Variants in PLEKHA7 observed in about 807,000 individuals in gnomAD.
PLEKHA7 encodes pleckstrin homology domain containing A7.
In PLEKHA7, 104 loss-of-function variants were observed where a neutral mutation model predicts 170.0. That is an observed-to-expected ratio of 0.61 (90% CI 0.52 to 0.72). The LOEUF (loss-of-function observed/expected upper bound fraction) is 0.72. PLEKHA7 is among the 30% of genes least tolerant of loss of function. The pLI is 0.00. For synonymous variants in PLEKHA7, 648 were observed against 660.8 expected, an observed-to-expected ratio of 0.98 and a Z score of 0.30; for missense variants, 1,615 against 1,671.7, an observed-to-expected ratio of 0.97 and a Z score of 0.59.
Position 16,816,242 on chromosome 11 carries a change from C to T in PLEKHA7, c.1889G>A (p.Arg630His), listed in dbSNP as rs369945365. ...AVKNSSHVDR[R>H]SMPSMGYMTH... ...CATGTAACCCATGGAGGGCATGGAG[C>T]GTCGGTCCACATGAGATGAGTTCTG... Residue 630 changes from arginine (R) to histidine (H), a missense_variant, in exon 12 of 27, where the codon CGC becomes CAC. Physicochemically the swap from Arg to His is conservative, Grantham distance 29 (BLOSUM62 0). Coordinates refer to ENST00000531066, the MANE Select transcript of PLEKHA7 (RefSeq NM_001329630.2). 1.2e-5 allele frequency: 19 copies of T among 1,613,490 alleles called. No individual in the cohort carries two copies. Among genetic ancestry groups the T allele is most frequent in the Admixed American group, 1.7e-5 (1 of 60,002 alleles).
intron 3 of PLEKHA7, chr11:16,881,626 G>C (rs759765292): frequency 5.3e-5 from 8 of 152,214 alleles, no homozygotes; most frequent in Non-Finnish European, 1.0e-4. Flanking sequence ...TCCGTTCTTT[G>C]AGACCGTGGG....
intron 3 of PLEKHA7, among the ~76,000 whole-genome samples, chr11:16,922,526 T>C (rs1859172100): frequency 6.6e-6 from 1 of 152,178 alleles, no homozygotes; most frequent in Admixed American, 6.5e-5. Context: ...TCACAGGGTA[T>C]AGGCCTGGAA....
chr11:16,868,904 G>A (rs1232902161), intron 4 of PLEKHA7, among the ~76,000 whole-genome samples: 1 of 152,222 alleles, frequency 6.6e-6, no homozygotes, highest in East Asian at 1.9e-4. Context: ...AAGGAATTGT[G>A]TGTGACAAGT....
chr11:16,821,919 T>C (rs983103839), intron 10 of PLEKHA7, among the ~76,000 whole-genome samples: 2 of 152,178 alleles, frequency 1.3e-5, no homozygotes, highest in African/African-American at 2.4e-5. Flanking sequence ...CACTGTGTGC[T>C]CAGTGACCTC....
intron 3 of PLEKHA7, among the ~76,000 whole-genome samples, chr11:16,954,594 G>C (rs892357794): frequency 1.3e-5 from 2 of 151,292 alleles, no homozygotes; most frequent in Non-Finnish European, 2.9e-5. Context: ...TTATTTGAAA[G>C]GTCACAGAAA....
Position 16,827,140 on chromosome 11 carries a change from G to A in PLEKHA7, c.873-550C>T, listed in dbSNP as rs138158351. ...TTAAATGGAAGGCTCCTGAGCTCAGGATCCCTCCCACTGGTGTCTAACACA... is the reference window on the plus strand; with the variant it reads ...TTAAATGGAAGGCTCCTGAGCTCAGAATCCCTCCCACTGGTGTCTAACACA... On this transcript the variant is annotated intron_variant, in intron 9 of 26. Coordinates refer to ENST00000531066, the MANE Select transcript of PLEKHA7 (RefSeq NM_001329630.2). Among the ~76,000 whole-genome samples the A allele has an allele frequency of 6.6e-5, 10 of 152,252 alleles. No homozygotes were observed. In the East Asian group the frequency reaches 1.7e-3, roughly 26 times the overall value.
chr11:16,906,611 G>T (rs571661532), intron 3 of PLEKHA7, among the ~76,000 whole-genome samples: 2 of 138,766 alleles, frequency 1.4e-5, no homozygotes, highest in Non-Finnish European at 3.0e-5. Context: ...ACGGAGTCGC[G>T]TTCACTCACT....
intron 3 of PLEKHA7, among the ~76,000 whole-genome samples, chr11:16,957,051 GA>G (rs1267433228): frequency 1.3e-5 from 2 of 152,180 alleles, no homozygotes; most frequent in East Asian, 3.8e-4. Flanking sequence ...TGATGGATGA[GA>G]TAAGACTCAG....
rs867069164 is a variant in PLEKHA7, at chr11:16,823,369, T to C, written c.1343+2751A>G. ...TCACCCCAGATCAACTACATCAAAA[T>C]CTCTGGCGTTGGGCCTCAAATGATC... On this transcript the variant is annotated intron_variant, in intron 10 of 26. Coordinates refer to ENST00000531066, the MANE Select transcript of PLEKHA7 (RefSeq NM_001329630.2). Among the ~76,000 whole-genome samples, 7 of 152,060 alleles carry C rather than the reference T, an allele frequency of 4.6e-5. No homozygotes were observed. In the South Asian group the frequency reaches 1.2e-3, roughly 27 times the overall value.
chr11:16,780,508 G>T (rs1848941638), intron 26 of PLEKHA7, among the ~76,000 whole-genome samples: 1 of 152,234 alleles, frequency 6.6e-6, no homozygotes, highest in African/African-American at 2.4e-5. Flanking sequence ...TTCCTCATCT[G>T]TAGAACTGGA....
intron 3 of PLEKHA7, among the ~76,000 whole-genome samples, chr11:16,934,170 T>G (rs1206692774): frequency 6.6e-6 from 1 of 152,184 alleles, no homozygotes; most frequent in African/African-American, 2.4e-5. Context: ...ACTCCCTTTT[T>G]TGGTCCTCCT....
chr11:16,880,424 C>T (rs1480203561), intron 3 of PLEKHA7, among the ~76,000 whole-genome samples: 1 of 152,242 alleles, frequency 6.6e-6, no homozygotes, highest in Non-Finnish European at 1.5e-5. Context: ...AACATCCCAG[C>T]CCACAGTAGA....
Position 16,821,523 on chromosome 11 carries a change from A to G in PLEKHA7, c.1344-4201T>C, listed in dbSNP as rs143418580. Among the ~76,000 whole-genome samples the G allele has an allele frequency of 6.8e-3, 1,031 of 152,352 alleles. 7 individuals are homozygous for G. Among genetic ancestry groups the G allele is most frequent in the Non-Finnish European group, 0.011 (754 of 68,038 alleles). The stretch of plus-strand genomic sequence containing the variant: ...TCCCTGTTGGTTTAAAGCCAAAAAT[A>G]CAGGATCATATTGCAGTTCAAATAA... On this transcript the variant is annotated intron_variant, in intron 10 of 26. Coordinates refer to ENST00000531066, the MANE Select transcript of PLEKHA7 (RefSeq NM_001329630.2).
At chr11:16,846,149 G>T (rs1315745808) in intron 8 of PLEKHA7, among the ~76,000 whole-genome samples, 1 of 152,092 alleles carries the variant, frequency 6.6e-6, no homozygotes, top group African/African-American at 2.4e-5. Context: ...GCCTGGCATG[G>T]TGATGGGCAC....
intron 4 of PLEKHA7, among the ~76,000 whole-genome samples, chr11:16,870,452 A>C (rs1854737633): frequency 6.6e-6 from 1 of 151,870 alleles, no homozygotes; most frequent in Non-Finnish European, 1.5e-5. Flanking sequence ...AACATGGCGA[A>C]ACCCTATCTC....
chr11:16,816,505 A>G (rs1849766703), intron 11 of PLEKHA7, among the ~76,000 whole-genome samples: 2 of 152,186 alleles, frequency 1.3e-5, no homozygotes, highest in African/African-American at 2.4e-5. Context: ...GCCTTTCAAG[A>G]TGCAAGGAAG....
intron 9 of PLEKHA7, among the ~76,000 whole-genome samples, chr11:16,828,942 C>T (rs1452864074): frequency 6.6e-6 from 1 of 152,188 alleles, no homozygotes; most frequent in Non-Finnish European, 1.5e-5. Flanking sequence ...TTGGCTTAAG[C>T]TCCTACATCT....
chr11:16,937,873 G>C (rs1418716875), intron 3 of PLEKHA7, among the ~76,000 whole-genome samples: 1 of 152,172 alleles, frequency 6.6e-6, no homozygotes, highest in Non-Finnish European at 1.5e-5. Flanking sequence ...CTCCCAAAGT[G>C]TTGGGATTAC....
intron 3 of PLEKHA7, among the ~76,000 whole-genome samples, chr11:16,996,907 G>C (rs1293291660): frequency 6.6e-6 from 1 of 152,024 alleles, no homozygotes; most frequent in African/African-American, 2.4e-5. Flanking sequence ...CTGCACTCCA[G>C]CCTGGGTGAC....
Sources: allele counts gnomAD v4.1 joint callset (sites outside exome capture counted in the v4.1 genomes callset), GRCh38; gene constraint gnomAD v4.1.1; transcripts MANE v1.5; gene names NCBI Gene and HGNC (gene_info 2026-07-23, HGNC 2026-07-21).